MEF2B: variants seen among roughly 807,000 people sequenced by gnomAD.
MEF2B encodes the protein myocyte enhancer factor 2B.
Under a neutral mutation model 32.2 loss-of-function variants are expected in MEF2B, and 15 were observed. The ratio of observed to expected loss-of-function variants is 0.47; its 90% CI spans 0.31 to 0.72. The LOEUF (loss-of-function observed/expected upper bound fraction) is 0.72, where lower values mean the gene tolerates loss of function less well. MEF2B is among the 30% of genes least tolerant of loss of function. MEF2B has a pLI of 0.05. For missense variants in MEF2B, 441 were observed against 511.5 expected, an observed-to-expected ratio of 0.86 and a Z score of 1.33; for synonymous variants, 205 against 225.6, an observed-to-expected ratio of 0.91 and a Z score of 0.82.
intron 1 of MEF2B, among the ~76,000 whole-genome samples, chr19:19,153,014 G>A (rs150284457): frequency 7.4e-4 from 113 of 152,328 alleles, no homozygotes; most frequent in South Asian, 2.7e-3. Context: ...CTGTTCCCAC[G>A]GCTGGGATAT....
intron 2 of MEF2B, 72 bp from the exon 3 acceptor site, chr19:19,149,501 G>A: frequency 6.3e-7 from 1 of 1,590,072 alleles, no homozygotes; most frequent in South Asian, 1.1e-5. Flanking sequence ...AGGGGAATTG[G>A]CAGGGCCTAA....
At chr19:19,153,749 G>A (rs1030849886) in intron 1 of MEF2B, among the ~76,000 whole-genome samples, 7 of 151,618 alleles carry the variant, frequency 4.6e-5, no homozygotes, top group South Asian at 2.1e-4. Context: ...GAGCCACCAC[G>A]CCTGGCCATA....
intron 2 of MEF2B, among the ~76,000 whole-genome samples, chr19:19,150,170 AGG>A (rs2060062737): frequency 5.0e-5 from 5 of 99,776 alleles, no homozygotes; most frequent in Non-Finnish European, 9.6e-5. Context: ...GAGGGAGGGA[AGG>A]AGGGAGGGAG....
intron 2 of MEF2B, among the ~76,000 whole-genome samples, chr19:19,150,319 G>T (rs1327398461): frequency 6.6e-6 from 1 of 151,788 alleles, no homozygotes; most frequent in Non-Finnish European, 1.5e-5. Flanking sequence ...CACGAGGTCA[G>T]GAGTTCGAGA....
At chr19:19,148,680 CTTATTTATTTATTTATTTAT>C (rs200858994) in intron 3 of MEF2B, among the ~76,000 whole-genome samples, 27 of 142,160 alleles carry the variant, frequency 1.9e-4, no homozygotes, top group Non-Finnish European at 3.4e-4. Context: ...ACTCCTCTGT[CTTATTTATTTATTTATTTAT>C]TTATTTATTT....
chr19:19,150,346 G>A lies in MEF2B; in HGVS notation c.54+336C>T, dbSNP rs146108854. On this transcript the variant is annotated intron_variant, in intron 2 of 8. Coordinates refer to ENST00000424583, the MANE Select transcript of MEF2B (RefSeq NM_001145785.2). The stretch of plus-strand genomic sequence containing the variant: ...AGTTCGAGACTAGCCTGGCCCACAT[G>A]GTGAAACCCCGTCTCTACTAAAACT... 9.2e-3 allele frequency among the ~76,000 whole-genome samples: 1,399 copies of A among 151,882 alleles called. 28 individuals are homozygous for A. Among genetic ancestry groups the A allele is most frequent in the East Asian group, 0.083 (425 of 5,144 alleles).
chr19:19,151,392 T>C (rs2060078605), intron 1 of MEF2B, among the ~76,000 whole-genome samples: 1 of 152,100 alleles, frequency 6.6e-6, no homozygotes, highest in Admixed American at 6.6e-5. Flanking sequence ...AGAAATCCTG[T>C]ACCCCACTCA....
At chr19:19,161,240 C>T (rs958114096) in intron 1 of MEF2B, among the ~76,000 whole-genome samples, 2 of 152,084 alleles carry the variant, frequency 1.3e-5, no homozygotes, top group African/African-American at 4.8e-5. Context: ...GCTCAGATTG[C>T]GGGCCCCAAA....
intron 1 of MEF2B, among the ~76,000 whole-genome samples, chr19:19,167,977 T>G (rs1392165653): frequency 6.6e-6 from 1 of 152,192 alleles, no homozygotes; most frequent in African/African-American, 2.4e-5. Context: ...AGATCCTAAC[T>G]GTCCTGAAAT....
At chr19:19,151,551 C>T (rs1305708626) in intron 1 of MEF2B, among the ~76,000 whole-genome samples, 1 of 152,118 alleles carries the variant, frequency 6.6e-6, no homozygotes, top group African/African-American at 2.4e-5. Context: ...GCCCTCTGTA[C>T]AGACGTCCCC....
intron 1 of MEF2B, among the ~76,000 whole-genome samples, chr19:19,167,970 T>C (rs952293256): frequency 1.3e-5 from 2 of 152,214 alleles, no homozygotes; most frequent in African/African-American, 4.8e-5. Flanking sequence ...CATCCCAAGA[T>C]CCTAACTGTC....
intron 1 of MEF2B, among the ~76,000 whole-genome samples, chr19:19,159,800 G>GC (rs531308929): frequency 6.6e-6 from 1 of 151,916 alleles, no homozygotes; most frequent in South Asian, 2.1e-4. Flanking sequence ...AGGCCCCTTA[G>GC]CCCCCCAGTA....
chr19:19,159,241 T>TAAAAAA (rs35056015), intron 1 of MEF2B, among the ~76,000 whole-genome samples: 2 of 88,012 alleles, frequency 2.3e-5, no homozygotes, highest in African/African-American at 9.1e-5. Context: ...GTGCGTGGCC[T>TAAAAAA]AAAAAAAAAA....
intron 3 of MEF2B, among the ~76,000 whole-genome samples, chr19:19,148,626 T>G (rs1326212350): frequency 6.6e-6 from 1 of 152,170 alleles, no homozygotes; most frequent in Non-Finnish European, 1.5e-5. Flanking sequence ...CCCAGCCCGC[T>G]GCTCTCTGCA....
At chr19:19,164,980 G>C (rs528490855) in intron 1 of MEF2B, among the ~76,000 whole-genome samples, 1 of 152,274 alleles carries the variant, frequency 6.6e-6, no homozygotes, top group South Asian at 2.1e-4. Context: ...TGGGAAATTA[G>C]CACATCTGTC....
chr19:19,160,927 TG>T (rs1006486350), intron 1 of MEF2B, among the ~76,000 whole-genome samples: 3 of 151,496 alleles, frequency 2.0e-5, no homozygotes, highest in African/African-American at 4.9e-5. Flanking sequence ...GGTACCCAGG[TG>T]GGGGGGCATG....
chr19:19,161,115 G>T (rs1433149860), intron 1 of MEF2B, among the ~76,000 whole-genome samples: 3 of 152,100 alleles, frequency 2.0e-5, no homozygotes, highest in Non-Finnish European at 4.4e-5. Context: ...TCGCTGAACT[G>T]GGGGGAGGGG....
In MEF2B at chr19:19,147,785, C is replaced by T. The variant is rs772732125; in HGVS notation, c.306G>A (p.Pro102=). ...GIGLDGPELE[P]DEGPEEPGEK... The stretch of plus-strand genomic sequence containing the variant: ...CTCCTGGCTCCTCAGGCCCTTCATC[C>T]GGCTCCAGCTCTGGCCCATCGAGGC... The change falls in exon 4 of 9, where the codon CCG becomes CCA. Residue 102 remains proline (P), a synonymous_variant. Coordinates refer to ENST00000424583, the MANE Select transcript of MEF2B (RefSeq NM_001145785.2). 2.5e-5 allele frequency: 41 copies of T among 1,613,716 alleles called. No individual in the cohort carries two copies. The highest frequency in any genetic ancestry group is 4.0e-5 in the African/African-American group (3 of 74,940).
rs1482432465 is a variant in MEF2B at position 19,150,662 on chromosome 19, G to A, written c.54+20C>T. 4 of 1,614,118 alleles carry A rather than the reference G, an allele frequency of 2.5e-6. No homozygotes were observed. In the South Asian group the frequency reaches 3.3e-5, roughly 13 times the overall value. ...GCTAGGAATGTCTTTCCCAGCCACT[G>A]TTCCACCCAGTGAACTCACCTGCCG... On this transcript the variant is annotated intron_variant, in intron 2 of 8. Coordinates refer to ENST00000424583, the MANE Select transcript of MEF2B (RefSeq NM_001145785.2).
Sources: gnomAD v4.1 joint callset for allele counts (sites outside exome capture counted in the v4.1 genomes callset) on GRCh38, gnomAD v4.1.1 for gene constraint, MANE v1.5 for transcripts, NCBI Gene and HGNC (gene_info 2026-07-23, HGNC 2026-07-21) for gene names.